The following PCED1B variants were observed in gnomAD, a reference collection of about 807,000 sequenced individuals.
PCED1B encodes the protein PC-esterase domain containing 1B.
For synonymous variants in PCED1B, 251 were observed against 246.1 expected (o/e 1.02, Z -0.19); for missense variants, 573 against 573.9 (o/e 1.00, Z 0.02).
In PCED1B at chr12:47,082,429, A is replaced by G. The variant is rs561573276; in HGVS notation, c.-609+2704A>G. 1.6e-4 allele frequency among the ~76,000 whole-genome samples: 24 copies of G among 152,322 alleles called. 1 individual carries two copies. In the South Asian group the frequency reaches 4.6e-3, roughly 29 times the overall value. ...GAGAAAGAGGAGTCCTGTAAATGTT[A>G]TTTGAGTCCTGGATCTGGTAGTACC... is the stretch of plus-strand genomic sequence containing the variant. On this transcript the variant is annotated intron_variant, in intron 1 of 3. Transcript: ENST00000546455.
intron 2 of PCED1B, among the ~76,000 whole-genome samples, chr12:47,120,256 A>C (rs987623386): frequency 6.6e-6 from 1 of 152,308 alleles, no homozygotes; most frequent in Non-Finnish European, 1.5e-5. Context: ...TGATGCAGCC[A>C]CTTTGGAAAA....
At chr12:47,166,064 G>A (rs1456193956) in intron 2 of PCED1B, among the ~76,000 whole-genome samples, 1 of 152,108 alleles carries the variant, frequency 6.6e-6, no homozygotes, top group East Asian at 1.9e-4. Flanking sequence ...CTGACCCGGG[G>A]TCAACCCAGC....
intron 3 of PCED1B, among the ~76,000 whole-genome samples, chr12:47,232,641 AT>A (rs11300625): frequency 0.25 from 37,541 of 151,946 alleles, 5,285 homozygotes; most frequent in East Asian, 0.41. Flanking sequence ...TGTTAGCAGT[AT>A]TTTAGTGTTT....
rs576126796 is a variant in PCED1B at position 47,161,458 on chromosome 12, G to T, written c.-525-54764G>T. Among the ~76,000 whole-genome samples the T allele has an allele frequency of 5.9e-5, 9 of 152,284 alleles. No homozygotes were observed. In the East Asian group the frequency reaches 1.7e-3, roughly 29 times the overall value. ...TGTGTGACTTTATGCTAGTACCACA[G>T]TGTTTTGATTACTATAACTGTATAG... is the stretch of plus-strand genomic sequence containing the variant. On this transcript the variant is annotated intron_variant, in intron 2 of 3. Coordinates refer to ENST00000546455, the MANE Select transcript of PCED1B (RefSeq NM_138371.3).
intron 2 of PCED1B, among the ~76,000 whole-genome samples, chr12:47,194,944 A>G (rs926987333): frequency 1.3e-5 from 2 of 152,218 alleles, no homozygotes; most frequent in African/African-American, 4.8e-5. Flanking sequence ...TATTAGTATT[A>G]TATATTTAAC....
At chr12:47,201,685 A>G (rs1308231206) in intron 2 of PCED1B, among the ~76,000 whole-genome samples, 1 of 151,790 alleles carries the variant, frequency 6.6e-6, no homozygotes, top group African/African-American at 2.4e-5. Flanking sequence ...TGCAGCCTCA[A>G]CCTCCCGGGC....
intron 2 of PCED1B, chr12:47,210,271 G>A (rs1943036807): frequency 1.3e-5 from 2 of 152,178 alleles, no homozygotes; most frequent in Admixed American, 1.3e-4. Context: ...TGCATAGGTA[G>A]AAAATAACCA....
chr12:47,175,265 G>A (rs557084934), intron 2 of PCED1B, among the ~76,000 whole-genome samples: 2 of 152,232 alleles, frequency 1.3e-5, no homozygotes, highest in African/African-American at 4.8e-5. Flanking sequence ...GTGCAAAAGT[G>A]CTCATAATAT....
chr12:47,095,141 T>C (rs1452438620), intron 1 of PCED1B, among the ~76,000 whole-genome samples: 2 of 151,322 alleles, frequency 1.3e-5, no homozygotes, highest in African/African-American at 4.9e-5. Flanking sequence ...ATTTTCCTTC[T>C]GCCTGAAGAA....
At chr12:47,160,105 C>T (rs1435774183) in intron 2 of PCED1B, among the ~76,000 whole-genome samples, 2 of 152,018 alleles carry the variant, frequency 1.3e-5, no homozygotes, top group East Asian at 1.9e-4. Flanking sequence ...GTGTGTCTGT[C>T]TGTATACCAA....
chr12:47,115,210 G>A (rs908287479), intron 2 of PCED1B, among the ~76,000 whole-genome samples: 1 of 152,162 alleles, frequency 6.6e-6, no homozygotes, highest in African/African-American at 2.4e-5. Context: ...TTTCAATCCT[G>A]ATACTAATGG....
intron 1 of PCED1B, among the ~76,000 whole-genome samples, chr12:47,097,992 C>G (rs1175183741): frequency 1.3e-5 from 2 of 152,186 alleles, no homozygotes; most frequent in African/African-American, 4.8e-5. Context: ...TAAGGTCTTA[C>G]CATTTCCAAG....
chr12:47,220,518 C>T (rs1436723754), intron 3 of PCED1B, among the ~76,000 whole-genome samples: 4 of 152,174 alleles, frequency 2.6e-5, no homozygotes. Context: ...GTTTACTTAT[C>T]TATAAAATGG....
intron 2 of PCED1B, among the ~76,000 whole-genome samples, chr12:47,188,969 T>A (rs1176543141): frequency 6.6e-6 from 1 of 152,274 alleles, no homozygotes; most frequent in East Asian, 1.9e-4. Flanking sequence ...TCTGATTAGG[T>A]CACTGTGAAC....
intron 2 of PCED1B, among the ~76,000 whole-genome samples, chr12:47,144,747 A>G (rs1940723229): frequency 6.6e-6 from 1 of 152,204 alleles, no homozygotes; most frequent in South Asian, 2.1e-4. Context: ...TTATCATCCT[A>G]CAGGACCACC....
chr12:47,204,378 T>A (rs1942857541), intron 2 of PCED1B, among the ~76,000 whole-genome samples: 1 of 152,204 alleles, frequency 6.6e-6, no homozygotes, highest in Non-Finnish European at 1.5e-5. Context: ...ATTCTTCCTA[T>A]CCATGAGCAT....
chr12:47,194,991 G>T (rs1057097520), intron 2 of PCED1B, among the ~76,000 whole-genome samples: 3 of 152,150 alleles, frequency 2.0e-5, no homozygotes, highest in Admixed American at 2.0e-4. Flanking sequence ...TATGAGAGGG[G>T]GGAAGAAAAG....
intron 2 of PCED1B, among the ~76,000 whole-genome samples, chr12:47,107,375 G>A (rs1490973806): frequency 6.6e-6 from 1 of 152,184 alleles, no homozygotes; most frequent in Non-Finnish European, 1.5e-5. Context: ...CTCTGCCATA[G>A]GAGGAGGAAG....
At chr12:47,224,334 T>C (rs1943571623) in intron 3 of PCED1B, among the ~76,000 whole-genome samples, 1 of 152,222 alleles carries the variant, frequency 6.6e-6, no homozygotes. Flanking sequence ...TTCATAAAAA[T>C]GCTCTCTGCA....
Sources: gnomAD v4.1 joint callset for allele counts (sites outside exome capture counted in the v4.1 genomes callset) on GRCh38, gnomAD v4.1.1 for gene constraint, MANE v1.5 for transcripts, NCBI Gene and HGNC (gene_info 2026-07-23, HGNC 2026-07-21) for gene names.